The following ZNF532 variants were observed in gnomAD, a reference collection of about 807,000 sequenced individuals.
ZNF532 encodes the protein zinc finger protein 532.
A neutral mutation model predicts 89.3 loss-of-function variants in ZNF532; 22 were observed. The ratio of observed to expected loss-of-function variants is 0.25; its 90% CI spans 0.18 to 0.35. The LOEUF (loss-of-function observed/expected upper bound fraction) is 0.35, where lower values mean the gene tolerates loss of function less well. Ranked by LOEUF, ZNF532 falls within the 10% of genes least tolerant of loss-of-function variation. The pLI is 1.00. For missense variants in ZNF532, 1,132 were observed against 1,643.4 expected, an observed-to-expected ratio of 0.69 and a Z score of 5.38; for synonymous variants, 606 against 649.6, an observed-to-expected ratio of 0.93 and a Z score of 1.02.
intron 7 of ZNF532, among the ~76,000 whole-genome samples, chr18:58,968,801 G>A (rs144420235): frequency 2.4e-3 from 364 of 152,332 alleles, no homozygotes; most frequent in Middle Eastern, 6.8e-3. Context: ...GCAGTGCCTG[G>A]TGAGGCTGTT....
chr18:58,981,580 C>T lies in ZNF532; in HGVS notation c.3374C>T (p.Thr1125Ile), dbSNP rs1165945959. The part of the protein sequence containing the change: ...DPDLKEMTDA[T>I]NEEETEIKED... ...GACCTGAAAGAAATGACAGATGCCACCAATGAGGAGGAAACAGAAATAAAA... is the reference window on the plus strand; with the variant it reads ...GACCTGAAAGAAATGACAGATGCCATCAATGAGGAGGAAACAGAAATAAAA... Residue 1125 changes from threonine to isoleucine, a missense_variant, in exon 9 of 10, where the codon ACC (threonine) becomes ATC (isoleucine). By Grantham distance (89) the Thr-to-Ile change is moderately conservative. Transcript: ENST00000591808. The T allele has an allele frequency of 1.2e-6, 2 of 1,614,140 alleles. No homozygotes were observed. Among genetic ancestry groups the T allele is most frequent in the South Asian group, 2.2e-5 (2 of 91,084 alleles).
chr18:58,943,683 G>T (rs192096641), intron 5 of ZNF532, among the ~76,000 whole-genome samples: 365 of 152,088 alleles, frequency 2.4e-3, no homozygotes, highest in Middle Eastern at 6.8e-3. Context: ...GGAGGGTCTC[G>T]ATCTCTTTAC....
chr18:58,930,149 T>A (rs1222754288), intron 3 of ZNF532, among the ~76,000 whole-genome samples: 2 of 152,202 alleles, frequency 1.3e-5, no homozygotes, highest in Admixed American at 6.5e-5. Flanking sequence ...GCCTAAAATA[T>A]GAGCAAAAAC....
At chr18:58,942,166 G>A (rs539854482) in intron 5 of ZNF532, among the ~76,000 whole-genome samples, 1 of 151,552 alleles carries the variant, frequency 6.6e-6, no homozygotes, top group African/African-American at 2.4e-5. Flanking sequence ...GGGACTACAG[G>A]CGCCCACCAC....
intron 6 of ZNF532, among the ~76,000 whole-genome samples, chr18:58,951,666 T>TG (rs2064197143): frequency 1.3e-5 from 2 of 148,884 alleles, no homozygotes; most frequent in Non-Finnish European, 3.0e-5. Context: ...TTTTTTTTTT[T>TG]TGAGATGGAG....
intron 5 of ZNF532, among the ~76,000 whole-genome samples, chr18:58,946,343 C>T (rs1031223781): frequency 1.4e-5 from 2 of 144,408 alleles, no homozygotes; most frequent in Admixed American, 7.0e-5. Context: ...CCCAGGCTGG[C>T]GTACAGTGGC....
Position 58,984,322 on chromosome 18 carries a change from T to C in ZNF532, c.3762T>C (p.Asp1254=). ...AGGAGAACAAACCCAGCCACGAGGA[T>C]GAATCCCCTGATGGCGCCGTGTCAG... ...NQQENKPSHE[D]ESPDGAVSDR... Residue 1254 remains aspartate, a synonymous_variant, in exon 10 of 10, where the codon GAT becomes GAC. Coordinates refer to ENST00000591808, the MANE Select transcript of ZNF532 (RefSeq NM_001375912.1). 3.1e-6 allele frequency: 5 copies of C among 1,611,958 alleles called. No individual in the cohort carries two copies. The highest frequency in any genetic ancestry group is 2.7e-5 in the African/African-American group (2 of 74,944).
chr18:58,929,943 G>A (rs2061811923), intron 3 of ZNF532, among the ~76,000 whole-genome samples: 1 of 152,168 alleles, frequency 6.6e-6, no homozygotes, highest in Admixed American at 6.5e-5. Flanking sequence ...GAAGATTGTG[G>A]AACTTCTTTT....
intron 5 of ZNF532, among the ~76,000 whole-genome samples, chr18:58,946,024 C>T (rs144559874): frequency 1.2e-4 from 19 of 152,240 alleles, no homozygotes; most frequent in African/African-American, 4.1e-4. Context: ...CCACTGCGCC[C>T]GGCCAAGTCT....
rs1016979148 is a variant in ZNF532 at position 58,985,618 on chromosome 18, G to A, written c.*1152G>A. ...AGCCATTTCAAGAAGTATATTTAAC[G>A]TCGGTAGTTCTGCTTTATTAAAATG... On this transcript the variant is annotated 3_prime_UTR_variant, in exon 10 of 10. Coordinates refer to ENST00000591808, the MANE Select transcript of ZNF532 (RefSeq NM_001375912.1). 5.3e-4 allele frequency: 81 copies of A among 152,580 alleles called. 3 individuals carry two copies. The highest frequency in any genetic ancestry group is 4.8e-3 in the Admixed American group (74 of 15,278). 9.5% of individuals were successfully genotyped at this position (152,580 alleles called of 1,614,324 possible).
chr18:58,887,156 CGCAACACA>C (rs534658648), intron 2 of ZNF532, among the ~76,000 whole-genome samples: 183 of 152,322 alleles, frequency 1.2e-3, no homozygotes, highest in East Asian at 6.5e-3. Context: ...TGGCTTATTC[CGCAACACA>C]GTTGCGTAGG....
chr18:58,867,878 C>T (rs909243061), intron 2 of ZNF532, among the ~76,000 whole-genome samples: 3 of 152,192 alleles, frequency 2.0e-5, no homozygotes, highest in African/African-American at 7.2e-5. Context: ...CTCTCTTTTT[C>T]TTCTGTTCTT....
intron 7 of ZNF532, 68 bp from the exon 8 acceptor site, chr18:58,978,979 TATTACAAA>T: frequency 1.7e-6 from 2 of 1,191,766 alleles, no homozygotes; most frequent in Non-Finnish European, 2.4e-6. Flanking sequence ...TAACTTAAAC[TATTACAAA>T]AGAGTTCTTA....
rs146595552 is a variant in ZNF532, at chr18:58,875,773, T to C, written c.-18+10194T>C. Among the ~76,000 whole-genome samples, 394 of 152,162 alleles carry C rather than the reference T, an allele frequency of 2.6e-3. 1 individual carries two copies. Among genetic ancestry groups the C allele is most frequent in the Non-Finnish European group, 4.6e-3 (310 of 67,998 alleles). ...GATCGACCCTAGATTTGAACCAGGG[T>C]CTGGCCAGCTTTGAAATTCTTTTCT... On this transcript the variant is annotated intron_variant, in intron 2 of 9. Coordinates refer to ENST00000591808, the MANE Select transcript of ZNF532 (RefSeq NM_001375912.1).
intron 7 of ZNF532, among the ~76,000 whole-genome samples, chr18:58,969,906 A>G (rs891169878): frequency 1.8e-5 from 2 of 108,658 alleles, no homozygotes; most frequent in African/African-American, 7.7e-5. Context: ...TTGCCCCGAG[A>G]TGGAGTCTCG....
chr18:58,881,507 T>C (rs1202461374), intron 2 of ZNF532, among the ~76,000 whole-genome samples: 1 of 152,216 alleles, frequency 6.6e-6, no homozygotes, highest in Non-Finnish European at 1.5e-5. Flanking sequence ...CTGTTTATCA[T>C]ATTGCATGTG....
chr18:58,878,681 G>T (rs1340347129), intron 2 of ZNF532, among the ~76,000 whole-genome samples: 2 of 152,232 alleles, frequency 1.3e-5, no homozygotes, highest in African/African-American at 4.8e-5. Flanking sequence ...GCCTGGCAAA[G>T]TTCATACGAG....
intron 4 of ZNF532, among the ~76,000 whole-genome samples, chr18:58,937,421 C>T (rs1354795027): frequency 6.6e-6 from 1 of 152,180 alleles, no homozygotes; most frequent in Non-Finnish European, 1.5e-5. Flanking sequence ...CCTTGGTCTC[C>T]ATGGTGTTCT....
At chr18:58,940,964 T>TACACACACACACACACACA (rs1568376885) in intron 5 of ZNF532, among the ~76,000 whole-genome samples, 3 of 45,552 alleles carry the variant, frequency 6.6e-5, no homozygotes, top group Admixed American at 6.2e-4. Flanking sequence ...ACACACTCTT[T>TACACACACACACACACACA]CTCTCTCTCT....
Sources: allele counts gnomAD v4.1 joint callset (sites outside exome capture counted in the v4.1 genomes callset), GRCh38; gene constraint gnomAD v4.1.1; transcripts MANE v1.5; gene names NCBI Gene and HGNC (gene_info 2026-07-23, HGNC 2026-07-21).